RBFOX1: variants seen among roughly 807,000 people sequenced by gnomAD.
The protein encoded by RBFOX1 is RNA binding fox-1 homolog 1.
Under a neutral mutation model 57.7 loss-of-function variants are expected in RBFOX1, and 8 were observed. The ratio of observed to expected loss-of-function variants is 0.14; its 90% CI spans 0.08 to 0.25. RBFOX1 has a LOEUF of 0.25. Ranked by LOEUF, RBFOX1 falls within the 10% of genes least tolerant of loss-of-function variation. The pLI is 1.00. For synonymous variants in RBFOX1, 326 were observed against 222.4 expected (o/e 1.47, Z -4.15); for missense variants, 611 against 548.5 (o/e 1.11, Z -1.14).
chr16:7,314,839 T>C (rs1043320634), intron 4 of RBFOX1, among the ~76,000 whole-genome samples: 1 of 152,192 alleles, frequency 6.6e-6, no homozygotes, highest in African/African-American at 2.4e-5. Flanking sequence ...TTTGAGCCTT[T>C]TAAAAATGAT....
At chr16:5,321,022 C>T (rs1222466386) in intron 1 of RBFOX1, among the ~76,000 whole-genome samples, 2 of 152,186 alleles carry the variant, frequency 1.3e-5, no homozygotes, top group Non-Finnish European at 2.9e-5. Context: ...GTTGCTGCTG[C>T]TGGTCCTGAG....
intron 3 of RBFOX1, among the ~76,000 whole-genome samples, chr16:6,661,392 AGT>A (rs934475587): frequency 7.9e-5 from 12 of 152,178 alleles, no homozygotes; most frequent in Non-Finnish European, 1.8e-4. Context: ...ATGCAAGTCC[AGT>A]GTGTGTGTCT....
intron 3 of RBFOX1, among the ~76,000 whole-genome samples, chr16:5,688,794 G>A (rs2050580569): frequency 6.6e-6 from 1 of 152,246 alleles, no homozygotes; most frequent in African/African-American, 2.4e-5. Context: ...AGTAACTTGA[G>A]AAAGTGGAAT....
At chr16:6,964,967 G>A (rs1049652135) in intron 3 of RBFOX1, among the ~76,000 whole-genome samples, 2 of 152,142 alleles carry the variant, frequency 1.3e-5, no homozygotes, top group African/African-American at 2.4e-5. Flanking sequence ...ACTTAGCAGC[G>A]AGTGTGGCCT....
At chr16:6,250,939 C>G (rs1009805233) in intron 1 of RBFOX1, among the ~76,000 whole-genome samples, 5 of 152,030 alleles carry the variant, frequency 3.3e-5, no homozygotes, top group Non-Finnish European at 5.9e-5. Context: ...TTGAAAGATA[C>G]CTGATTTTGT....
intron 1 of RBFOX1, among the ~76,000 whole-genome samples, chr16:6,264,733 A>C (rs1378945437): frequency 3.3e-5 from 5 of 152,202 alleles, no homozygotes; most frequent in Admixed American, 2.0e-4. Flanking sequence ...AGTGCCAGGC[A>C]GGTGCTCAGC....
intron 2 of RBFOX1, among the ~76,000 whole-genome samples, chr16:6,583,767 A>G (rs544360973): frequency 6.1e-4 from 93 of 152,352 alleles, no homozygotes; most frequent in Non-Finnish European, 1.3e-4. Context: ...CAGCCTAATG[A>G]AACTGCAGTT....
intron 4 of RBFOX1, among the ~76,000 whole-genome samples, chr16:5,958,795 G>T (rs890591388): frequency 2.6e-5 from 4 of 152,130 alleles, no homozygotes; most frequent in African/African-American, 9.7e-5. Flanking sequence ...TCCTTGGCTG[G>T]TAGCCACATC....
intron 3 of RBFOX1, among the ~76,000 whole-genome samples, chr16:5,777,764 T>A (rs181259086): frequency 2.0e-5 from 3 of 152,302 alleles, no homozygotes; most frequent in East Asian, 3.9e-4. Flanking sequence ...TTCTTTAACT[T>A]ACATTTCATT....
chr16:6,827,496 C>G (rs2092301365), intron 3 of RBFOX1, among the ~76,000 whole-genome samples: 2 of 152,146 alleles, frequency 1.3e-5, no homozygotes, highest in African/African-American at 4.8e-5. Context: ...CATCACACTT[C>G]AGCAGGGTGA....
chr16:6,833,192 G>C (rs927616450), intron 3 of RBFOX1, among the ~76,000 whole-genome samples: 2 of 151,222 alleles, frequency 1.3e-5, no homozygotes, highest in Non-Finnish European at 2.9e-5. Flanking sequence ...CTGAGACGGG[G>C]TCTTTTTCTG....
chr16:6,264,781 C>T (rs959246992), intron 1 of RBFOX1, among the ~76,000 whole-genome samples: 1 of 152,184 alleles, frequency 6.6e-6, no homozygotes, highest in Non-Finnish European at 1.5e-5. Flanking sequence ...CTTAGCATGC[C>T]ACTGAAACTT....
chr16:5,448,692 G>A (rs191524275), intron 1 of RBFOX1, among the ~76,000 whole-genome samples: 12 of 152,258 alleles, frequency 7.9e-5, no homozygotes, highest in African/African-American at 2.9e-4. Context: ...AGCTCAATGT[G>A]AGATACACCC....
At chr16:6,985,479 C>G (rs116099655) in intron 3 of RBFOX1, among the ~76,000 whole-genome samples, 3 of 152,126 alleles carry the variant, frequency 2.0e-5, no homozygotes, top group African/African-American at 7.2e-5. Flanking sequence ...TAGTCCACAT[C>G]TCTTAAAAAA....
chr16:6,405,232 A>G (rs1164204060), intron 2 of RBFOX1, among the ~76,000 whole-genome samples: 2 of 152,224 alleles, frequency 1.3e-5, no homozygotes, highest in Non-Finnish European at 2.9e-5. Context: ...CTGGGATTTT[A>G]TCACAGTTAG....
chr16:5,779,214 A>G (rs562265445), intron 3 of RBFOX1, among the ~76,000 whole-genome samples: 1 of 152,308 alleles, frequency 6.6e-6, no homozygotes, highest in South Asian at 2.1e-4. Context: ...TCGTGTGCAG[A>G]CCAGACCCCT....
chr16:6,127,763 A>G (rs2096600522), intron 1 of RBFOX1, among the ~76,000 whole-genome samples: 1 of 152,238 alleles, frequency 6.6e-6, no homozygotes, highest in Admixed American at 6.5e-5. Flanking sequence ...TGTTAATAAC[A>G]AATTCTCAGT....
intron 4 of RBFOX1, among the ~76,000 whole-genome samples, chr16:7,147,156 T>C (rs967699356): frequency 7.0e-6 from 1 of 143,140 alleles, no homozygotes; most frequent in African/African-American, 2.6e-5. Context: ...ATTTTTTTTT[T>C]TATTTATTTT....
chr16:6,805,480 C>A (rs948475939), intron 3 of RBFOX1, among the ~76,000 whole-genome samples: 6 of 151,860 alleles, frequency 4.0e-5, no homozygotes, highest in Non-Finnish European at 7.4e-5. Context: ...TGTACCATCC[C>A]CATAACATGA....
Sources: gnomAD v4.1 joint callset for allele counts (sites outside exome capture counted in the v4.1 genomes callset) on GRCh38, gnomAD v4.1.1 for gene constraint, MANE v1.5 for transcripts, NCBI Gene and HGNC (gene_info 2026-07-23, HGNC 2026-07-21) for gene names.